The following ATP10B variants were observed in gnomAD, a reference collection of about 807,000 sequenced individuals.
ATP10B encodes the protein phospholipid-transporting ATPase VB.
ATP10B carries 122 observed loss-of-function variants against 141.2 expected under a neutral mutation model. The ratio of observed to expected loss-of-function variants is 0.86; its 90% CI spans 0.75 to 1.00. The LOEUF (loss-of-function observed/expected upper bound fraction) is 1.00, where lower values mean the gene tolerates loss of function less well. Among genes scored for constraint, ATP10B ranks in the 50% least tolerant of loss-of-function variants. The pLI is 0.00. For missense variants in ATP10B, 1,876 were observed against 1,825.3 expected, an observed-to-expected ratio of 1.03 and a Z score of -0.51; for synonymous variants, 685 against 692.0, an observed-to-expected ratio of 0.99 and a Z score of 0.16.
At chr5:160,830,341 T>A (rs1417714864) in intron 1 of ATP10B, among the ~76,000 whole-genome samples, 3 of 152,162 alleles carry the variant, frequency 2.0e-5, no homozygotes, top group East Asian at 1.9e-4. Context: ...TTAACTTTTT[T>A]AATTGCTGTG....
intron 2 of ATP10B, among the ~76,000 whole-genome samples, chr5:160,758,193 C>T (rs563142928): frequency 2.0e-4 from 30 of 152,114 alleles, no homozygotes; most frequent in Non-Finnish European, 3.8e-4. Context: ...ATGTGACTAT[C>T]CATCACAGCG....
chr5:160,854,311 T>A (rs1753944482), upstream of ATP10B, among the ~76,000 whole-genome samples: 1 of 152,144 alleles, frequency 6.6e-6, no homozygotes, highest in African/African-American at 2.4e-5. Context: ...TTTCTCCTAA[T>A]GCTATCCCTT....
At chr5:160,880,908 G>T in the ATP10B span, among the ~76,000 whole-genome samples, 2 of 152,038 alleles carry the variant, frequency 1.3e-5, no homozygotes, top group African/African-American at 2.4e-5. Context: ...AACACTAAAG[G>T]CACACTCCAT....
the ATP10B span, among the ~76,000 whole-genome samples, chr5:160,889,114 G>A: frequency 6.6e-6 from 1 of 152,170 alleles, no homozygotes; most frequent in East Asian, 1.9e-4. Flanking sequence ...AAGGTTTCAT[G>A]GTGAAATGAC....
At position 160,565,519 on chromosome 5, in the gene ATP10B, C is replaced by G. The variant is rs1373392731; in HGVS notation, c.4320G>C (p.Gln1440His). 7 of 1,614,022 alleles carry G rather than the reference C, an allele frequency of 4.3e-6. No individual in the cohort carries two copies. The highest frequency in any genetic ancestry group is 5.9e-6 in the Non-Finnish European group (7 of 1,179,988). The part of the protein sequence containing the change: ...PNRIMAYSRG[Q>H]TDMCRCSKRS... ...TCTTTGAGCACCGGCACATATCAGT[C>G]TGTCCTCTTGAGTAGGCCATTATCC... The change falls in exon 26 of 26, where the codon CAG (glutamine) becomes CAC (histidine). Residue 1440 changes from glutamine to histidine, a missense_variant. Coordinates refer to ENST00000327245, the MANE Select transcript of ATP10B (RefSeq NM_025153.3).
the ATP10B span, among the ~76,000 whole-genome samples, chr5:160,925,757 TTTC>T: frequency 6.6e-6 from 1 of 152,246 alleles, no homozygotes; most frequent in African/African-American, 2.4e-5. Flanking sequence ...TTGCATCTTT[TTTC>T]TTCTTTATGA....
At chr5:160,677,890 G>A (rs1467859909) in intron 6 of ATP10B, among the ~76,000 whole-genome samples, 1 of 152,124 alleles carries the variant, frequency 6.6e-6, no homozygotes, top group Admixed American at 6.5e-5. Context: ...GTTATTCAGA[G>A]GAAATATTAG....
intron 17 of ATP10B, among the ~76,000 whole-genome samples, chr5:160,615,352 G>C (rs1757939499): frequency 6.6e-6 from 1 of 151,550 alleles, no homozygotes; most frequent in East Asian, 1.9e-4. Context: ...CCCTGTGCTA[G>C]GCTGGCATCT....
chr5:160,719,672 TATAA>T (rs989317548), intron 2 of ATP10B, among the ~76,000 whole-genome samples: 1 of 152,252 alleles, frequency 6.6e-6, no homozygotes, highest in African/African-American at 2.4e-5. Flanking sequence ...AAAACTCTAC[TATAA>T]ATATTATTGT....
intron 7 of ATP10B, among the ~76,000 whole-genome samples, chr5:160,669,917 T>C (rs867128642): frequency 2.4e-4 from 1 of 4,122 alleles, no homozygotes; most frequent in Non-Finnish European, 5.4e-4. Flanking sequence ...ACCCAGTCTC[T>C]TAAAAAAAAA....
At chr5:160,660,508 A>G (rs1761836471) in intron 7 of ATP10B, among the ~76,000 whole-genome samples, 1 of 152,230 alleles carries the variant, frequency 6.6e-6, no homozygotes, top group African/African-American at 2.4e-5. Context: ...CCAACTCATT[A>G]TTTTGAAAAT....
the ATP10B span, among the ~76,000 whole-genome samples, chr5:160,858,264 C>T: frequency 6.6e-6 from 1 of 151,864 alleles, no homozygotes; most frequent in Non-Finnish European, 1.5e-5. Flanking sequence ...TTTACTTTGT[C>T]TGATATTAAT....
intron 2 of ATP10B, among the ~76,000 whole-genome samples, chr5:160,778,998 T>A (rs1409571130): frequency 6.6e-6 from 1 of 152,168 alleles, no homozygotes; most frequent in Non-Finnish European, 1.5e-5. Flanking sequence ...GGGAATGGAA[T>A]GAAGTCTGTG....
chr5:160,871,426 C>A, the ATP10B span, among the ~76,000 whole-genome samples: 1 of 152,086 alleles, frequency 6.6e-6, no homozygotes, highest in East Asian at 1.9e-4. Flanking sequence ...TACATAAGTT[C>A]TTTAGTGGTG....
intron 3 of ATP10B, among the ~76,000 whole-genome samples, chr5:160,709,530 T>C (rs1465420529): frequency 6.6e-6 from 1 of 151,878 alleles, no homozygotes; most frequent in South Asian, 2.1e-4. Context: ...TGGTGAAAAA[T>C]GAGAAGTCTA....
intron 1 of ATP10B, among the ~76,000 whole-genome samples, chr5:160,825,593 G>GATTTCCAA (rs1273079952): frequency 6.6e-6 from 1 of 152,136 alleles, no homozygotes; most frequent in Non-Finnish European, 1.5e-5. Flanking sequence ...AATACAATGA[G>GATTTCCAA]ATTTCCAATT....
intron 18 of ATP10B, 109 bp from the exon 19 acceptor site, chr5:160,607,195 G>C: frequency 1.1e-6 from 1 of 883,504 alleles, no homozygotes; most frequent in Non-Finnish European, 1.7e-6. Context: ...CTACCATAGA[G>C]ATTATTTACA....
At chr5:160,670,341 T>C (rs1322055272) in intron 7 of ATP10B, 122 bp downstream of exon 7, 3 of 856,042 alleles carry the variant, frequency 3.5e-6, no homozygotes, top group Admixed American at 4.0e-5. Flanking sequence ...TCTAAAGTGC[T>C]AGGGAAAAGG....
chr5:160,606,699 T>A, intron 19 of ATP10B, 66 bp downstream of exon 19: 2 of 1,523,240 alleles, frequency 1.3e-6, no homozygotes, highest in Non-Finnish European at 1.8e-6. Context: ...ACCTCCCACC[T>A]CTGGTCCAGC....
Sources: allele counts gnomAD v4.1 joint callset (sites outside exome capture counted in the v4.1 genomes callset), GRCh38; gene constraint gnomAD v4.1.1; transcripts MANE v1.5; gene names NCBI Gene and HGNC (gene_info 2026-07-23, HGNC 2026-07-21).